Variants in NONO observed in about 807,000 individuals in gnomAD.
NONO encodes the protein non-POU domain containing octamer binding, also known as non-POU domain-containing octamer-binding protein.
Under a neutral mutation model 40.2 loss-of-function variants are expected in NONO, and 6 were observed. The ratio of observed to expected loss-of-function variants is 0.15; its 90% confidence interval spans 0.08 to 0.29. The LOEUF is 0.29. Among genes scored for constraint, NONO ranks in the 10% least tolerant of loss-of-function variants. The probability of loss-of-function intolerance (pLI) is 1.00; values close to 1 mark genes in which losing one functional copy is unlikely to be tolerated. For missense variants in NONO, 133 were observed against 397.8 expected (o/e 0.33, Z 5.66); for synonymous variants, 89 against 123.3 (o/e 0.72, Z 1.85).
At chrX:71,287,558 T>A (rs1178101761) in intron 2 of NONO, among the ~76,000 whole-genome samples, 1 of 109,627 alleles carries the variant, frequency 9.1e-6, no homozygotes, top group African/African-American at 3.3e-5. Flanking sequence ...TTTTGTATTT[T>A]TAGTAGAGAC....
chrX:71,299,844 T>G, intron 11 of NONO, 98 bp from the exon 12 acceptor site: 2 of 1,040,088 alleles, frequency 1.9e-6, no homozygotes, highest in Non-Finnish European at 2.6e-6. Flanking sequence ...GAGCCTTGAA[T>G]AGTTGAATGG....
At chrX:71,291,731 A>AT (rs767549563) in intron 3 of NONO, 48 bp from the exon 4 acceptor site, 1 of 969,302 alleles carries the variant, frequency 1.0e-6, no homozygotes, top group Non-Finnish European at 1.4e-6. Context: ...GGATACGACT[A>AT]TAATTCTATT....
intron 4 of NONO, chrX:71,292,201 CTTTT>C: frequency 4.7e-6 from 1 of 210,726 alleles, no homozygotes. Flanking sequence ...CCCTTTGGAA[CTTTT>C]TTTTTTTTTG....
Position 71,290,630 on chromosome X carries a change from G to A in NONO, c.-8G>A. Reference sequence around the variant, plus strand: ...TATTAGTCTACTTTTTCTTTGTAGGGTGCAAAAATGCAGAGTAATAAAACT... The same window carrying A: ...TATTAGTCTACTTTTTCTTTGTAGGATGCAAAAATGCAGAGTAATAAAACT... On this transcript the variant is annotated splice_region_variant and 5_prime_UTR_variant, in exon 3 of 12. It adds an upstream start codon to the 5' untranslated region. Transcript: ENST00000276079. 8.3e-7 allele frequency: 1 copy of A among 1,205,313 alleles called. No individual in the cohort carries two copies. The highest frequency in any genetic ancestry group is 3.0e-5 in the East Asian group (1 of 33,738).
chrX:71,296,145 CTT>C (rs757644657), intron 5 of NONO, among the ~76,000 whole-genome samples: 4 of 93,937 alleles, frequency 4.3e-5, no homozygotes, highest in Non-Finnish European at 6.4e-5. Context: ...TTTTTCTTTT[CTT>C]TTTTTTTTTT....
At chrX:71,297,237 T>C (rs1189929319) in intron 7 of NONO, 140 bp from the exon 8 acceptor site, 1 of 666,242 alleles carries the variant, frequency 1.5e-6, no homozygotes, top group African/African-American at 2.2e-5. Flanking sequence ...ATGATAGGTA[T>C]AACTTCATTT....
chrX:71,295,132 G>A (rs1420663536), intron 5 of NONO, among the ~76,000 whole-genome samples: 1 of 106,188 alleles, frequency 9.4e-6, no homozygotes, highest in Non-Finnish European at 1.9e-5. Flanking sequence ...TGAGGCAGGA[G>A]AATCACTTGA....
rs529079277 is a variant in NONO at position 71,287,093 on chromosome X, T to C, written c.-10+2640T>C. On this transcript the variant is annotated intron_variant, in intron 2 of 11. Coordinates refer to ENST00000276079, the MANE Select transcript of NONO (RefSeq NM_007363.5). Reference sequence around the variant, plus strand: ...ATATAATTTTCTGTGTTTATAATTATTTTTTGAGACAGACTCTCACTTTGT... The same window carrying C: ...ATATAATTTTCTGTGTTTATAATTACTTTTTGAGACAGACTCTCACTTTGT... Among the ~76,000 whole-genome samples, 3 of 112,492 alleles carry C rather than the reference T, an allele frequency of 2.7e-5. No individual in the cohort carries two copies. The South Asian group carries it at 1.1e-3, about 41-fold the overall frequency.
intron 7 of NONO, 22 bp from the exon 8 acceptor site, chrX:71,297,355 T>C (rs745865307): frequency 7.0e-6 from 8 of 1,136,545 alleles, no homozygotes; most frequent in Admixed American, 2.6e-5. Flanking sequence ...TGAGGAATAT[T>C]CTTAGTCTGT....
At chrX:71,294,169 T>C in intron 4 of NONO, 58 bp from the exon 5 acceptor site, 1 of 1,112,696 alleles carries the variant, frequency 9.0e-7, no homozygotes, top group Non-Finnish European at 1.2e-6. Flanking sequence ...AGACTGTTGA[T>C]GGCTGCTAAG....
intron 2 of NONO, among the ~76,000 whole-genome samples, chrX:71,289,986 C>T (rs1345081539): frequency 9.0e-6 from 1 of 111,325 alleles, no homozygotes; most frequent in Non-Finnish European, 1.9e-5. Flanking sequence ...CCAGGCTTGT[C>T]TCGAACCCCT....
At chrX:71,295,447 A>G (rs1391094286) in intron 5 of NONO, among the ~76,000 whole-genome samples, 1 of 109,494 alleles carries the variant, frequency 9.1e-6, no homozygotes, top group African/African-American at 3.3e-5. Flanking sequence ...AGATTGCGCC[A>G]CTGCACTCCA....
chrX:71,297,262 C>T, intron 7 of NONO, 115 bp from the exon 8 acceptor site: 6 of 775,841 alleles, frequency 7.7e-6, no homozygotes, highest in Non-Finnish European at 1.1e-5. Flanking sequence ...ATCTGGACAC[C>T]ACAGGTGGTT....
intron 2 of NONO, among the ~76,000 whole-genome samples, chrX:71,289,776 T>C (rs2031282790): frequency 9.2e-6 from 1 of 108,911 alleles, no homozygotes; most frequent in Admixed American, 9.9e-5. Flanking sequence ...TTTTTTTGTT[T>C]TGTTTTGTTT....
intron 2 of NONO, among the ~76,000 whole-genome samples, chrX:71,287,863 C>CT (rs1354459932): frequency 2.1e-5 from 2 of 96,010 alleles, no homozygotes; most frequent in African/African-American, 8.3e-5. Context: ...CTCCCCCCTA[C>CT]CCTTTTTTTT....
intron 2 of NONO, among the ~76,000 whole-genome samples, chrX:71,288,008 AT>A (rs1198660933): frequency 0.031 from 2,216 of 71,903 alleles, 49 homozygotes; most frequent in African/African-American, 0.082. Context: ...TGCTGGCTTC[AT>A]TTTTTTTTTT....
chrX:71,287,185 A>G (rs2031209211), intron 2 of NONO, among the ~76,000 whole-genome samples: 1 of 111,641 alleles, frequency 9.0e-6, no homozygotes, highest in South Asian at 3.7e-4. Context: ...GGTTCAAGTG[A>G]TGCTCCTGCC....
intron 2 of NONO, among the ~76,000 whole-genome samples, chrX:71,289,103 C>T (rs1012058668): frequency 9.0e-6 from 1 of 110,721 alleles, no homozygotes; most frequent in Non-Finnish European, 1.9e-5. Flanking sequence ...TGTGATGGGG[C>T]GAGTTTTTAA....
Position 71,296,854 on chromosome X carries a change from A to G in NONO, c.750A>G (p.Glu250=). Residue 250 remains glutamate, a synonymous_variant, in exon 7 of 12, where the codon GAA becomes GAG. Transcript: ENST00000276079. ...AACCTAGGAACCTTGCCTATAGGGA[A>G]CGAGAGCAGCCACCCAGATTTGCAC... ...LVIKNQQFHK[E]REQPPRFAQP... 8.3e-7 allele frequency: 1 copy of G among 1,207,241 alleles called. No individual in the cohort carries two copies. The highest frequency in any genetic ancestry group is 1.1e-6 in the Non-Finnish European group (1 of 893,353).
Sources: gnomAD v4.1 joint callset for allele counts (sites outside exome capture counted in the v4.1 genomes callset) on GRCh38, gnomAD v4.1.1 for gene constraint, MANE v1.5 for transcripts, NCBI Gene and HGNC (gene_info 2026-07-23, HGNC 2026-07-21) for gene names.